The following ARHGEF37 variants were observed in gnomAD, a reference collection of about 807,000 sequenced individuals.
ARHGEF37 encodes the protein Rho guanine nucleotide exchange factor 37.
In ARHGEF37, 55 loss-of-function variants were observed where a neutral mutation model predicts 71.1. The observed-to-expected ratio is 0.77, with a 90% CI of 0.62 to 0.97. ARHGEF37 has a LOEUF of 0.97. Among genes scored for constraint, ARHGEF37 ranks in the 50% least tolerant of loss-of-function variants. The pLI, the probability that ARHGEF37 is intolerant of heterozygous loss-of-function variation, is 0.00. For missense variants in ARHGEF37, 765 were observed against 836.8 expected (o/e 0.91, Z 1.06); for synonymous variants, 327 against 350.6 (o/e 0.93, Z 0.75).
Position 149,633,704 on chromosome 5 carries a change from A to G in ARHGEF37, c.*1513A>G, listed in dbSNP as rs551794106. The G allele has an allele frequency of 2.0e-5, 3 of 152,260 alleles. No homozygotes were observed. The highest frequency in any genetic ancestry group is 4.4e-5 in the Non-Finnish European group (3 of 68,052). 9.4% of individuals were successfully genotyped at this position (152,260 alleles called of 1,614,324 possible). Reference sequence around the variant, plus strand: ...GTGTCAAACAGGAGGTAGTTTAGATATGCTTCCAAGAACATGTCTGTGTTA... The same window carrying G: ...GTGTCAAACAGGAGGTAGTTTAGATGTGCTTCCAAGAACATGTCTGTGTTA... On this transcript the variant is annotated 3_prime_UTR_variant, in exon 13 of 13. Transcript: ENST00000333677.
intron 2 of ARHGEF37, among the ~76,000 whole-genome samples, chr5:149,600,889 A>G (rs7725405): frequency 0.66 from 100,040 of 152,076 alleles, 34,854 homozygotes; most frequent in East Asian, 1. Flanking sequence ...CACCCGCCTC[A>G]TCTCCCCAAC....
intron 4 of ARHGEF37, among the ~76,000 whole-genome samples, chr5:149,613,006 G>A (rs1417668825): frequency 6.6e-6 from 1 of 152,208 alleles, no homozygotes; most frequent in East Asian, 1.9e-4. Context: ...CCCTAGGTAG[G>A]ACTGTCCTAA....
intron 1 of ARHGEF37, among the ~76,000 whole-genome samples, chr5:149,564,674 G>A (rs925653379): frequency 4.6e-5 from 7 of 152,054 alleles, no homozygotes; most frequent in Admixed American, 4.6e-4. Flanking sequence ...AAAATACAAA[G>A]TTAGCTGGGC....
intron 4 of ARHGEF37, among the ~76,000 whole-genome samples, chr5:149,616,119 G>A (rs112818050): frequency 2.0e-5 from 3 of 152,202 alleles, no homozygotes; most frequent in African/African-American, 7.2e-5. Flanking sequence ...ACCAAATGAG[G>A]TCACTAAGAG....
At chr5:149,603,077 C>T (rs1211557578) in intron 3 of ARHGEF37, among the ~76,000 whole-genome samples, 4 of 151,852 alleles carry the variant, frequency 2.6e-5, no homozygotes, top group Non-Finnish European at 5.9e-5. Context: ...GGATTACAGG[C>T]GCCCGCCACC....
intron 1 of ARHGEF37, among the ~76,000 whole-genome samples, chr5:149,586,143 T>G (rs986154616): frequency 9.2e-5 from 14 of 152,170 alleles, no homozygotes; most frequent in African/African-American, 3.1e-4. Flanking sequence ...ATACAACAAA[T>G]AGAATAAACA....
At chr5:149,599,573 T>A (rs1337650336) in intron 2 of ARHGEF37, among the ~76,000 whole-genome samples, 1 of 152,172 alleles carries the variant, frequency 6.6e-6, no homozygotes, top group East Asian at 1.9e-4. Context: ...TACAAGCACA[T>A]GCCACCACAC....
chr5:149,626,813 T>G, intron 10 of ARHGEF37: 1 of 327,120 alleles, frequency 3.1e-6, no homozygotes, highest in Non-Finnish European at 5.6e-6. Context: ...ATCCTAGGAG[T>G]TCAGTAACTG....
At chr5:149,602,510 C>T (rs1228855804) in intron 3 of ARHGEF37, among the ~76,000 whole-genome samples, 9 of 149,854 alleles carry the variant, frequency 6.0e-5, no homozygotes, top group East Asian at 5.9e-4. Context: ...TTTTTTGAGA[C>T]GGGATCTCAC....
chr5:149,598,263 C>CTCTTCTTCTTCTTCTTCTTCTTCT (rs70973531), intron 2 of ARHGEF37, among the ~76,000 whole-genome samples: 8 of 67,756 alleles, frequency 1.2e-4, no homozygotes, highest in East Asian at 6.8e-4. Context: ...CTTAAACTGA[C>CTCTTCTTCTTCTTCTTCTTCTTCT]TCTTCTTCTT....
intron 1 of ARHGEF37, among the ~76,000 whole-genome samples, chr5:149,587,580 C>G (rs886606651): frequency 6.6e-6 from 1 of 152,170 alleles, no homozygotes; most frequent in African/African-American, 2.4e-5. Flanking sequence ...GGGCTCCTAA[C>G]CTTCACCACA....
chr5:149,621,361 G>A (rs1175289418), intron 8 of ARHGEF37, among the ~76,000 whole-genome samples: 1 of 152,010 alleles, frequency 6.6e-6, no homozygotes, highest in Admixed American at 6.6e-5. Flanking sequence ...GATCGCTTGA[G>A]CCTGACAGGT....
intron 6 of ARHGEF37, 83 bp downstream of exon 6, chr5:149,618,389 G>T: frequency 6.3e-7 from 1 of 1,579,206 alleles, no homozygotes; most frequent in Non-Finnish European, 8.6e-7. Flanking sequence ...GGGGACTTAG[G>T]CTCCTTTCAG....
intron 2 of ARHGEF37, 99 bp from the exon 3 acceptor site, chr5:149,601,009 G>A: frequency 7.3e-7 from 1 of 1,365,900 alleles, no homozygotes; most frequent in Non-Finnish European, 1.0e-6. Context: ...TCTCAGGAGT[G>A]ATGGGAATGG....
intron 4 of ARHGEF37, among the ~76,000 whole-genome samples, chr5:149,610,183 C>G (rs67170555): frequency 0.26 from 40,260 of 152,050 alleles, 6,419 homozygotes; most frequent in Admixed American, 0.44. Context: ...GAAGCGGAAA[C>G]GTTTGGGAAC....
intron 1 of ARHGEF37, among the ~76,000 whole-genome samples, chr5:149,564,796 C>T (rs917640577): frequency 2.0e-5 from 3 of 152,182 alleles, no homozygotes; most frequent in African/African-American, 7.2e-5. Context: ...TGCACTCCAG[C>T]CTGGGCAACA....
At chr5:149,582,448 T>C (rs988814243) in intron 1 of ARHGEF37, among the ~76,000 whole-genome samples, 1 of 152,196 alleles carries the variant, frequency 6.6e-6, no homozygotes, top group Non-Finnish European at 1.5e-5. Flanking sequence ...GGAAGCATAG[T>C]TTAACCTTTT....
intron 2 of ARHGEF37, among the ~76,000 whole-genome samples, chr5:149,600,381 A>G (rs1763715121): frequency 6.6e-6 from 1 of 152,182 alleles, no homozygotes; most frequent in Non-Finnish European, 1.5e-5. Flanking sequence ...ATGCTTGTGC[A>G]TTTATATAGA....
intron 12 of ARHGEF37, among the ~76,000 whole-genome samples, chr5:149,629,460 G>C (rs926066247): frequency 3.3e-5 from 5 of 152,178 alleles, no homozygotes; most frequent in African/African-American, 1.2e-4. Context: ...TGAGAAGAGT[G>C]GTGCTTTTTC....
Sources: allele counts gnomAD v4.1 joint callset (sites outside exome capture counted in the v4.1 genomes callset), GRCh38; gene constraint gnomAD v4.1.1; transcripts MANE v1.5; gene names NCBI Gene and HGNC (gene_info 2026-07-23, HGNC 2026-07-21).